The following PRKCB variants were observed in gnomAD, a reference collection of about 807,000 sequenced individuals.
PRKCB encodes the protein protein kinase C beta type.
In PRKCB, 13 loss-of-function variants were observed where a neutral mutation model predicts 81.5. That is an observed-to-expected ratio of 0.16 (90% CI 0.10 to 0.25). The LOEUF (loss-of-function observed/expected upper bound fraction) is 0.25. Among genes scored for constraint, PRKCB ranks in the 10% least tolerant of loss-of-function variants. PRKCB has a pLI of 1.00. For synonymous variants in PRKCB, 335 were observed against 321.4 expected (o/e 1.04, Z -0.45); for missense variants, 509 against 875.7 (o/e 0.58, Z 5.29).
intron 2 of PRKCB, among the ~76,000 whole-genome samples, chr16:23,843,950 C>T (rs1358372010): frequency 2.0e-5 from 3 of 152,118 alleles, no homozygotes; most frequent in Non-Finnish European, 2.9e-5. Flanking sequence ...CTCTTTGTTT[C>T]CATCACACAT....
At chr16:24,204,646 G>T (rs1968016346) in intron 16 of PRKCB, among the ~76,000 whole-genome samples, 1 of 152,152 alleles carries the variant, frequency 6.6e-6, no homozygotes, top group African/African-American at 2.4e-5. Context: ...TGTTTAGAGT[G>T]TATTTCATCT....
At chr16:23,915,890 C>T (rs1413787352) in intron 2 of PRKCB, among the ~76,000 whole-genome samples, 1 of 151,904 alleles carries the variant, frequency 6.6e-6, no homozygotes, top group Non-Finnish European at 1.5e-5. Flanking sequence ...TATGTTTTAG[C>T]ATATTTTAAT....
chr16:23,954,306 C>CA (rs1391841607), intron 2 of PRKCB, among the ~76,000 whole-genome samples: 11 of 152,124 alleles, frequency 7.2e-5, no homozygotes, highest in East Asian at 3.9e-4. Context: ...AAGGAGGTGT[C>CA]AGAGAAGGTC....
At chr16:23,855,099 G>A (rs1962541763) in intron 2 of PRKCB, among the ~76,000 whole-genome samples, 1 of 151,986 alleles carries the variant, frequency 6.6e-6, no homozygotes, top group South Asian at 2.1e-4. Context: ...TTCAGAGAAA[G>A]GAAGACAAAG....
chr16:24,064,290 A>G (rs1169379638), intron 5 of PRKCB, among the ~76,000 whole-genome samples: 2 of 152,204 alleles, frequency 1.3e-5, no homozygotes, highest in South Asian at 2.1e-4. Flanking sequence ...CTTTCCTAAT[A>G]TGTACATTAA....
chr16:24,067,011 G>A (rs1397185590), intron 5 of PRKCB, among the ~76,000 whole-genome samples: 1 of 151,398 alleles, frequency 6.6e-6, no homozygotes, highest in African/African-American at 2.4e-5. Context: ...CACTGAGCTT[G>A]GCTAATTTTT....
intron 5 of PRKCB, among the ~76,000 whole-genome samples, chr16:24,049,549 G>A (rs1418906489): frequency 6.6e-6 from 1 of 151,720 alleles, no homozygotes; most frequent in African/African-American, 2.4e-5. Flanking sequence ...CACTACCCTG[G>A]CACATCTGGG....
chr16:24,084,037 A>G (rs1278394959), intron 5 of PRKCB, among the ~76,000 whole-genome samples: 1 of 152,204 alleles, frequency 6.6e-6, no homozygotes, highest in African/African-American at 2.4e-5. Context: ...GACTAAATCA[A>G]AGTGTGTAGA....
intron 3 of PRKCB, among the ~76,000 whole-genome samples, chr16:23,998,598 A>G (rs75622923): frequency 0.036 from 5,493 of 152,314 alleles, 160 homozygotes; most frequent in Non-Finnish European, 0.05. Flanking sequence ...TTCCTCAGCT[A>G]AAAAATGAGT....
chr16:24,019,768 A>AT (rs1166371645), intron 3 of PRKCB, among the ~76,000 whole-genome samples: 7 of 151,928 alleles, frequency 4.6e-5, no homozygotes, highest in Admixed American at 1.3e-4. Flanking sequence ...TGCCTAAAAA[A>AT]AAAAAAGAAA....
At chr16:24,107,752 T>G (rs906424492) in intron 7 of PRKCB, among the ~76,000 whole-genome samples, 1 of 152,192 alleles carries the variant, frequency 6.6e-6, no homozygotes, top group African/African-American at 2.4e-5. Flanking sequence ...CTCTTGCATA[T>G]GAATGGGAAT....
intron 2 of PRKCB, among the ~76,000 whole-genome samples, chr16:23,841,902 C>T (rs775624850): frequency 1.6e-4 from 25 of 151,954 alleles, no homozygotes; most frequent in Admixed American, 4.6e-4. Context: ...GTGATCTGCC[C>T]GCCTTAGCTT....
intron 8 of PRKCB, among the ~76,000 whole-genome samples, chr16:24,121,337 G>T (rs1055769207): frequency 6.6e-6 from 1 of 152,220 alleles, no homozygotes; most frequent in African/African-American, 2.4e-5. Flanking sequence ...ACCTAGAGGA[G>T]CACTTAGCAT....
chr16:24,166,811 C>T (rs1458864290), intron 10 of PRKCB, among the ~76,000 whole-genome samples: 1 of 152,162 alleles, frequency 6.6e-6, no homozygotes, highest in African/African-American at 2.4e-5. Flanking sequence ...ATAGCTTAGG[C>T]ACTGGTGTGT....
rs1157099606 is a variant in PRKCB, at chr16:24,100,901, G to A, written c.821+6604G>A. Among the ~76,000 whole-genome samples the A allele has an allele frequency of 2.0e-5, 3 of 152,114 alleles. No individual in the cohort carries two copies. The South Asian group carries it at 6.2e-4, about 32-fold the overall frequency. On this transcript the variant is annotated intron_variant, in intron 7 of 16. Coordinates refer to ENST00000643927, the MANE Select transcript of PRKCB (RefSeq NM_002738.7). ...GAATGCTGATTGGTGGGTTGAGAGT[G>A]AAATCATAGGGGGTCAAAGCTGTCT...
chr16:23,995,876 G>A (rs545431326), intron 3 of PRKCB, among the ~76,000 whole-genome samples: 5 of 152,130 alleles, frequency 3.3e-5, no homozygotes, highest in Non-Finnish European at 4.4e-5. Context: ...GTTTCTGTAC[G>A]GTGTGCAGAC....
At chr16:23,947,393 A>C (rs939924220) in intron 2 of PRKCB, among the ~76,000 whole-genome samples, 1 of 152,096 alleles carries the variant, frequency 6.6e-6, no homozygotes. Context: ...TCCTCTCCTC[A>C]TTCTCCTTGA....
intron 3 of PRKCB, among the ~76,000 whole-genome samples, chr16:23,989,265 A>G (rs915912433): frequency 5.9e-5 from 9 of 151,796 alleles, no homozygotes; most frequent in Admixed American, 5.3e-4. Context: ...TGCCCGGCCT[A>G]TTATTATTAT....
At chr16:24,126,160 T>C (rs561099901) in intron 9 of PRKCB, among the ~76,000 whole-genome samples, 4 of 152,132 alleles carry the variant, frequency 2.6e-5, no homozygotes, top group South Asian at 4.2e-4. Context: ...GGTATCTAGA[T>C]TGGGTTGGGG....
Sources: gnomAD v4.1 joint callset for allele counts (sites outside exome capture counted in the v4.1 genomes callset) on GRCh38, gnomAD v4.1.1 for gene constraint, MANE v1.5 for transcripts, NCBI Gene and HGNC (gene_info 2026-07-23, HGNC 2026-07-21) for gene names.